The following DIAPH3 variants were observed in gnomAD, a reference collection of about 807,000 sequenced individuals.
DIAPH3 encodes the protein protein diaphanous homolog 3.
A neutral mutation model predicts 144.3 loss-of-function variants in DIAPH3; 117 were observed. The ratio of observed to expected loss-of-function variants is 0.81; its 90% CI spans 0.70 to 0.95. DIAPH3 has a LOEUF of 0.95. DIAPH3 is among the 40% of genes least tolerant of loss of function. The pLI, the probability that DIAPH3 is intolerant of heterozygous loss-of-function variation, is 0.00. For missense variants in DIAPH3, 1,421 were observed against 1,412.7 expected (o/e 1.01, Z -0.09); for synonymous variants, 519 against 488.9 (o/e 1.06, Z -0.81).
At chr13:60,133,472 AG>A (rs1189336100) in intron 1 of DIAPH3, among the ~76,000 whole-genome samples, 1 of 152,164 alleles carries the variant, frequency 6.6e-6, no homozygotes, top group Admixed American at 6.5e-5. Flanking sequence ...TAGATAATGA[AG>A]TACTTTGCTG....
intron 27 of DIAPH3, among the ~76,000 whole-genome samples, chr13:59,716,948 A>T (rs1315872399): frequency 6.7e-6 from 1 of 148,764 alleles, no homozygotes; most frequent in Non-Finnish European, 1.5e-5. Flanking sequence ...TGGACCTATT[A>T]AAAAAAAAAG....
chr13:59,891,930 T>A (rs2045824142), intron 20 of DIAPH3, among the ~76,000 whole-genome samples: 1 of 152,000 alleles, frequency 6.6e-6, no homozygotes, highest in South Asian at 2.1e-4. Flanking sequence ...ACTTTACTCA[T>A]TCATTGTGTA....
At chr13:60,037,524 CATGTTA>C (rs1350645352) in intron 5 of DIAPH3, among the ~76,000 whole-genome samples, 7 of 151,752 alleles carry the variant, frequency 4.6e-5, no homozygotes, top group African/African-American at 1.7e-4. Flanking sequence ...AAAGTGTGTT[CATGTTA>C]AATTTCTTTT....
chr13:60,063,204 T>C (rs1390864555), intron 4 of DIAPH3, among the ~76,000 whole-genome samples: 1 of 152,216 alleles, frequency 6.6e-6, no homozygotes, highest in Non-Finnish European at 1.5e-5. Flanking sequence ...TAGTTTCCGT[T>C]TCAATAAACC....
chr13:59,869,893 T>G (rs1390909725), intron 21 of DIAPH3, among the ~76,000 whole-genome samples: 3 of 152,198 alleles, frequency 2.0e-5, no homozygotes, highest in Non-Finnish European at 4.4e-5. Flanking sequence ...AAGTCCTTTA[T>G]CAGGTATGTG....
chr13:60,012,929 C>T, intron 7 of DIAPH3: 1 of 903,724 alleles, frequency 1.1e-6, no homozygotes, highest in Non-Finnish European at 1.3e-6. Context: ...AGGCCAATTA[C>T]TACTACTCAG....
intron 2 of DIAPH3, among the ~76,000 whole-genome samples, chr13:60,124,285 T>C (rs1055691175): frequency 6.6e-6 from 1 of 152,158 alleles, no homozygotes; most frequent in Non-Finnish European, 1.5e-5. Context: ...CCGGGAACTT[T>C]GAGGAGAACA....
At chr13:60,048,570 T>C (rs1212377799) in intron 4 of DIAPH3, among the ~76,000 whole-genome samples, 1 of 152,030 alleles carries the variant, frequency 6.6e-6, no homozygotes, top group Non-Finnish European at 1.5e-5. Flanking sequence ...TCTTCTACAC[T>C]ACTGGTGGCA....
intron 1 of DIAPH3, among the ~76,000 whole-genome samples, chr13:60,140,142 A>G (rs939635617): frequency 1.3e-5 from 2 of 152,202 alleles, no homozygotes; most frequent in Non-Finnish European, 2.9e-5. Context: ...TCTTGTCCAC[A>G]ACACAAATTT....
intron 21 of DIAPH3, among the ~76,000 whole-genome samples, chr13:59,876,994 G>A (rs1418317448): frequency 6.6e-6 from 1 of 151,936 alleles, no homozygotes; most frequent in Non-Finnish European, 1.5e-5. Flanking sequence ...CTGAATTTGT[G>A]TACTTCCCTA....
intron 21 of DIAPH3, among the ~76,000 whole-genome samples, chr13:59,865,960 T>C (rs978388091): frequency 1.3e-5 from 2 of 152,014 alleles, no homozygotes; most frequent in African/African-American, 4.8e-5. Context: ...TTAATAACTC[T>C]ACTCCGCATC....
At chr13:60,012,152 T>C (rs2033161494) in intron 7 of DIAPH3, among the ~76,000 whole-genome samples, 1 of 152,210 alleles carries the variant, frequency 6.6e-6, no homozygotes, top group Non-Finnish European at 1.5e-5. Context: ...CCCAAGTACT[T>C]TGATTGTGAT....
At chr13:60,136,567 T>A (rs2059283611) in intron 1 of DIAPH3, among the ~76,000 whole-genome samples, 1 of 151,602 alleles carries the variant, frequency 6.6e-6, no homozygotes, top group Non-Finnish European at 1.5e-5. Flanking sequence ...ATATATTACC[T>A]ACCTGGCCTA....
At chr13:59,694,309 C>G (rs1328715014) in intron 27 of DIAPH3, among the ~76,000 whole-genome samples, 1 of 151,956 alleles carries the variant, frequency 6.6e-6, no homozygotes, top group Non-Finnish European at 1.5e-5. Context: ...GGGTTTATTC[C>G]GAGAATAAGT....
At chr13:60,102,556 G>T (rs1268775846) in intron 3 of DIAPH3, among the ~76,000 whole-genome samples, 2 of 152,160 alleles carry the variant, frequency 1.3e-5, no homozygotes, top group East Asian at 3.8e-4. Flanking sequence ...AGATGATACA[G>T]CCCCAGACTA....
intron 20 of DIAPH3, among the ~76,000 whole-genome samples, chr13:59,901,835 T>C (rs1019680092): frequency 6.6e-6 from 1 of 152,170 alleles, no homozygotes; most frequent in Non-Finnish European, 1.5e-5. Context: ...GACTGAAACA[T>C]ACACTACTGG....
At chr13:59,929,637 A>C (rs1859128864) in intron 17 of DIAPH3, among the ~76,000 whole-genome samples, 1 of 130,934 alleles carries the variant, frequency 7.6e-6, no homozygotes, top group African/African-American at 3.0e-5. Context: ...ATCTCGGCTC[A>C]CTGCAACCTC....
intron 15 of DIAPH3, among the ~76,000 whole-genome samples, chr13:59,973,013 G>A (rs2050478773): frequency 6.6e-6 from 1 of 152,152 alleles, no homozygotes; most frequent in Non-Finnish European, 1.5e-5. Flanking sequence ...TTTGCCAGTT[G>A]TTCAAACATG....
At chr13:59,865,638 T>G (rs997153436) in intron 21 of DIAPH3, among the ~76,000 whole-genome samples, 23 of 151,984 alleles carry the variant, frequency 1.5e-4, no homozygotes, top group African/African-American at 5.1e-4. Flanking sequence ...TGGATGGAGT[T>G]TCTCCAACCA....
Sources: gnomAD v4.1 joint callset for allele counts (sites outside exome capture counted in the v4.1 genomes callset) on GRCh38, gnomAD v4.1.1 for gene constraint, MANE v1.5 for transcripts, NCBI Gene and HGNC (gene_info 2026-07-23, HGNC 2026-07-21) for gene names.